Variants in PCSK9 observed in about 807,000 individuals in gnomAD.
PCSK9 encodes proprotein convertase subtilisin/kexin type 9.
Under a neutral mutation model 62.1 loss-of-function variants are expected in PCSK9, and 57 were observed. That is an observed-to-expected ratio of 0.92 (90% CI 0.74 to 1.14). PCSK9 has a LOEUF of 1.14. PCSK9 is among the 50% of genes most tolerant of loss of function. The pLI is 0.00. For missense variants in PCSK9, 870 were observed against 959.8 expected, an observed-to-expected ratio of 0.91 and a Z score of 1.24; for synonymous variants, 387 against 409.4, an observed-to-expected ratio of 0.95 and a Z score of 0.66.
chr1:55,053,948 G>A (rs1274138396), intron 5 of PCSK9, among the ~76,000 whole-genome samples: 1 of 152,202 alleles, frequency 6.6e-6, no homozygotes. Flanking sequence ...TGTATGGGAA[G>A]CCCTTATTGC....
intron 11 of PCSK9, among the ~76,000 whole-genome samples, chr1:55,062,546 A>G (rs1334026224): frequency 6.6e-6 from 1 of 152,256 alleles, no homozygotes; most frequent in Admixed American, 6.5e-5. Flanking sequence ...GGAGAAAACT[A>G]TAGCAAGGAA....
In PCSK9 at chr1:55,039,719, C is replaced by T; in HGVS notation, c.-119C>T. 1 of 1,240,706 alleles carries T rather than the reference C, an allele frequency of 8.1e-7. No homozygotes were observed. The highest frequency in any genetic ancestry group is 2.6e-5 in the East Asian group (1 of 39,042). The allele number at this position is 1,240,706 out of a possible 1,614,324, so 76.9% of individuals were successfully genotyped here. A position where few individuals can be genotyped will look rare whatever the true frequency, so the allele number is the denominator to read the frequency against. ...TCCGCGCGCCCCTTCACGCGCCCTGCTCCTGAACTTCAGCTCCTGCACAGT... is the reference window on the plus strand; with the variant it reads ...TCCGCGCGCCCCTTCACGCGCCCTGTTCCTGAACTTCAGCTCCTGCACAGT... On this transcript the variant is annotated 5_prime_UTR_variant, in exon 1 of 12. Transcript: ENST00000302118.
chr1:55,058,148 G>C lies in PCSK9; in HGVS notation c.1293G>C (p.Glu431Asp). The C allele has an allele frequency of 1.9e-6, 3 of 1,613,576 alleles. No individual in the cohort carries two copies. The highest frequency in any genetic ancestry group is 1.1e-5 in the South Asian group (1 of 91,082). ...TCATCAATGAGGCCTGGTTCCCTGA[G>C]GACCAGCGGGTACTGACCCCCAACC... ...KDVINEAWFP[E>D]DQRVLTPNLV... Residue 431 changes from glutamate (E) to aspartate (D), a missense_variant, in exon 8 of 12, where the codon GAG (glutamate) becomes GAC (aspartate). Transcript: ENST00000302118.
rs780509319 is a variant in PCSK9 at position 55,056,154 on chromosome 1, G to A, written c.961G>A (p.Asp321Asn). ...CACCGCTGCCGGCAACTTCCGGGAC[G>A]ATGCCTGCCTCTACTCCCCAGCCTC... ...LVTAAGNFRD[D>N]ACLYSPASAP... The change falls in exon 6 of 12, where the codon GAT becomes AAT. Residue 321 changes from aspartate to asparagine, a missense_variant. By Grantham distance (23) the Asp-to-Asn change is conservative. Transcript: ENST00000302118. 3.9e-6 allele frequency: 6 copies of A among 1,533,886 alleles called. No individual in the cohort carries two copies. The highest frequency in any genetic ancestry group is 1.4e-5 in the African/African-American group (1 of 73,104).
chr1:55,058,636 G>A lies in PCSK9; in HGVS notation c.1492G>A (p.Glu498Lys), dbSNP rs145468572. 260 of 1,610,084 alleles carry A rather than the reference G, an allele frequency of 1.6e-4. No individual in the cohort carries two copies. The highest frequency in any genetic ancestry group is 2.2e-4 in the Middle Eastern group (1 of 4,452). Residue 498 changes from glutamate (E) to lysine (K), a missense_variant, in exon 9 of 12, where the codon GAG becomes AAG. Glu to Lys is a moderately conservative substitution (Grantham distance 56, BLOSUM62 1). Coordinates refer to ENST00000302118, the MANE Select transcript of PCSK9 (RefSeq NM_174936.4). ...CTCCAGGAGTGGGAAGCGGCGGGGC[G>A]AGCGCATGGAGGTGACTGTACCCCT... ...SFSRSGKRRG[E>K]RMEAQGGKLV...
At chr1:55,060,623 A>G (rs615563) in intron 10 of PCSK9, among the ~76,000 whole-genome samples, 96,979 of 152,002 alleles carry the variant, frequency 0.64, 32,656 homozygotes, top group East Asian at 0.86. Flanking sequence ...GGAAGTGCTC[A>G]GCCGATGAGC....
chr1:55,056,521 C>G (rs1245102791), intron 6 of PCSK9, among the ~76,000 whole-genome samples: 1 of 152,234 alleles, frequency 6.6e-6, no homozygotes, highest in African/African-American at 2.4e-5. Context: ...CGCCCCCTCC[C>G]CATCTCCATC....
intron 5 of PCSK9, among the ~76,000 whole-genome samples, chr1:55,055,043 T>A (rs1644703186): frequency 1.3e-5 from 2 of 148,734 alleles, no homozygotes; most frequent in African/African-American, 4.9e-5. Context: ...CTGTTGACAG[T>A]AGCATGAGGT....
intron 1 of PCSK9, among the ~76,000 whole-genome samples, chr1:55,043,007 C>A (rs1483934972): frequency 2.0e-5 from 3 of 152,226 alleles, no homozygotes; most frequent in Non-Finnish European, 4.4e-5. Context: ...TGTGATTGAT[C>A]TCTGCACATG....
At position 55,046,345 on chromosome 1, in the gene PCSK9, A is replaced by T. The variant is rs28385707; in HGVS notation, c.400-178A>T. On this transcript the variant is annotated intron_variant, in intron 2 of 11. Coordinates refer to ENST00000302118, the MANE Select transcript of PCSK9 (RefSeq NM_174936.4). ...GGAGTGCTGGGCTCCCAGCCTGATC[A>T]AGGAGCGAGAAAACTCAGGCTCCTA... Among the ~76,000 whole-genome samples, 907 of 152,296 alleles carry T rather than the reference A, an allele frequency of 6.0e-3. 8 individuals carry two copies. The highest frequency in any genetic ancestry group is 5.7e-3 in the Non-Finnish European group (391 of 68,018).
intron 5 of PCSK9, 52 bp downstream of exon 5, chr1:55,052,843 AGGT>A: frequency 6.2e-7 from 1 of 1,612,328 alleles, no homozygotes; most frequent in Non-Finnish European, 8.5e-7. Flanking sequence ...CTGGCCTGGG[AGGT>A]GGCTTGGGCT....
At chr1:55,050,517 T>C (rs2100290407) in intron 3 of PCSK9, among the ~76,000 whole-genome samples, 1 of 152,262 alleles carries the variant, frequency 6.6e-6, no homozygotes, top group African/African-American at 2.4e-5. Context: ...TCCCACAGCC[T>C]GGGAGGAGAG....
Position 55,040,207 on chromosome 1 carries a change from C to T in PCSK9, c.207+163C>T, listed in dbSNP as rs1161981110. Among the ~76,000 whole-genome samples, 5 of 152,092 alleles carry T rather than the reference C, an allele frequency of 3.3e-5. No homozygotes were observed. Among genetic ancestry groups the T allele is most frequent in the African/African-American group, 1.2e-4 (5 of 41,414 alleles). ...ATCTTGGGGACTGCAGGCAAGGCGG[C>T]GGGGGAGGACGGGTAGTGGGGAGCA... On this transcript the variant is annotated intron_variant, in intron 1 of 11. Coordinates refer to ENST00000302118, the MANE Select transcript of PCSK9 (RefSeq NM_174936.4). This position sits in a 1 kb window ranked among gnomAD's most constrained non-coding sequence, Gnocchi z 4.1.
rs1254535640 is a variant in PCSK9 at position 55,052,356 on chromosome 1, T to C, written c.602T>C (p.Met201Thr). 8.1e-6 allele frequency: 13 copies of C among 1,613,756 alleles called. No individual in the cohort carries two copies. The highest frequency in any genetic ancestry group is 1.1e-5 in the South Asian group (1 of 91,070). The change falls in exon 4 of 12, where the codon ATG (methionine) becomes ACG (threonine). Residue 201 changes from methionine (M) to threonine (T), a missense_variant. Transcript: ENST00000302118. ...CACCGGGAAATCGAGGGCAGGGTCA[T>C]GGTCACCGACTTCGAGAATGTGCCC... is the stretch of plus-strand genomic sequence containing the variant. ...SDHREIEGRVMVTDFENVPEE... is the reference protein window; with the variant it reads ...SDHREIEGRVTVTDFENVPEE...
rs528343955 is a variant in PCSK9, at chr1:55,060,303, C to T, written c.1681+640C>T. ...TCTTGGGGCATCAAGGGATGGTGCC[C>T]TGAGGCTGAGCTGTTCTGGTTGGGT... is the stretch of plus-strand genomic sequence containing the variant. On this transcript the variant is annotated intron_variant, in intron 10 of 11. Coordinates refer to ENST00000302118, the MANE Select transcript of PCSK9 (RefSeq NM_174936.4). 2.4e-4 allele frequency among the ~76,000 whole-genome samples: 37 copies of T among 152,314 alleles called. No homozygotes were observed. The South Asian group carries it at 7.7e-3, about 32-fold the overall frequency.
Position 55,058,042 on chromosome 1 carries a change from C to T in PCSK9, c.1187C>T (p.Ala396Val), listed in dbSNP as rs1644729088. The stretch of plus-strand genomic sequence containing the variant: ...CCATTCACCCCTGCACCAGGCATTG[C>T]AGCCATGATGCTGTCTGCCGAGCCG... ...SQAAAHVAGI[A>V]AMMLSAEPEL... Residue 396 changes from alanine to valine, a missense_variant, in exon 8 of 12, where the codon GCA becomes GTA. Transcript: ENST00000302118. 6.2e-7 allele frequency: 1 copy of T among 1,613,746 alleles called. No individual in the cohort carries two copies. Among genetic ancestry groups the T allele is most frequent in the Non-Finnish European group, 8.5e-7 (1 of 1,180,036 alleles).
intron 11 of PCSK9, among the ~76,000 whole-genome samples, chr1:55,063,032 C>A (rs1644773615): frequency 6.6e-6 from 1 of 152,058 alleles, no homozygotes; most frequent in Non-Finnish European, 1.5e-5. Context: ...GGCCCCTGGA[C>A]AGATGGAGTT....
In PCSK9 at chr1:55,061,457, C is replaced by T. The variant is rs368516937; in HGVS notation, c.1764C>T (p.Cys588=). The T allele has an allele frequency of 5.6e-6, 9 of 1,608,262 alleles. No homozygotes were observed. The highest frequency in any genetic ancestry group is 5.3e-5 in the African/African-American group (4 of 74,918). Residue 588 remains cysteine (C), a synonymous_variant, in exon 11 of 12, where the codon TGC becomes TGT. Transcript: ENST00000302118. ...GGCCACGAGGTCAGCCCAACCAGTG[C>T]GTGGGCCACAGGGAGGCCAGCATCC... ...VLRPRGQPNQ[C]VGHREASIHA...
chr1:55,059,478 A>T lies in PCSK9; in HGVS notation c.1504-8A>T. On this transcript the variant is annotated splice_polypyrimidine_tract_variant and splice_region_variant and intron_variant, in intron 9 of 11. Coordinates refer to ENST00000302118, the MANE Select transcript of PCSK9 (RefSeq NM_174936.4). ...AAGCAGATTCCCATTTCCGTCTTTGACTCTAAGGCCCAAGGGGGCAAGCTG... is the reference window on the plus strand; with the variant it reads ...AAGCAGATTCCCATTTCCGTCTTTGTCTCTAAGGCCCAAGGGGGCAAGCTG... The T allele has an allele frequency of 6.4e-7, 1 of 1,559,556 alleles. No individual in the cohort carries two copies. Among genetic ancestry groups the T allele is most frequent in the South Asian group, 1.2e-5 (1 of 84,624 alleles).
Sources: gnomAD v4.1 joint callset for allele counts (sites outside exome capture counted in the v4.1 genomes callset) on GRCh38, gnomAD v4.1.1 for gene constraint, Gnocchi (gnomAD v3.1) non-coding constraint, MANE v1.5 for transcripts, NCBI Gene and HGNC (gene_info 2026-07-23, HGNC 2026-07-21) for gene names.